MAGI2: variants seen among roughly 807,000 people sequenced by gnomAD.
The protein encoded by MAGI2 is membrane-associated guanylate kinase, WW and PDZ domain-containing protein 2.
In MAGI2, 35 loss-of-function variants were observed where a neutral mutation model predicts 133.3. That is an observed-to-expected ratio of 0.26 (90% CI 0.20 to 0.35). The LOEUF is 0.35. Among genes scored for constraint, MAGI2 ranks in the 10% least tolerant of loss-of-function variants. The pLI is 1.00. For missense variants in MAGI2, 1,636 were observed against 1,863.4 expected (o/e 0.88, Z 2.25); for synonymous variants, 729 against 710.6 (o/e 1.03, Z -0.41).
chr7:78,542,440 T>A (rs187026419), intron 3 of MAGI2, among the ~76,000 whole-genome samples: 1 of 152,144 alleles, frequency 6.6e-6, no homozygotes, highest in Admixed American at 6.5e-5. Flanking sequence ...AGAAAAGACA[T>A]CAAAATTAAT....
intron 6 of MAGI2, among the ~76,000 whole-genome samples, chr7:78,422,970 A>C (rs73370213): frequency 0.013 from 1,999 of 152,328 alleles, 52 homozygotes; most frequent in African/African-American, 0.038. Context: ...AAATAGGTTC[A>C]ACAAAGATAT....
intron 1 of MAGI2, among the ~76,000 whole-genome samples, chr7:79,138,776 C>T (rs566429279): frequency 5.3e-5 from 8 of 152,116 alleles, no homozygotes; most frequent in South Asian, 2.1e-4. Flanking sequence ...GAGGCCAAGG[C>T]GGGCGGATCA....
At chr7:78,608,089 C>T (rs1806019111) in intron 3 of MAGI2, among the ~76,000 whole-genome samples, 1 of 152,036 alleles carries the variant, frequency 6.6e-6, no homozygotes, top group Non-Finnish European at 1.5e-5. Context: ...CCGCTCAAGC[C>T]CAAGCATGGC....
At chr7:78,306,863 A>C (rs2151085915) in intron 9 of MAGI2, among the ~76,000 whole-genome samples, 1 of 152,326 alleles carries the variant, frequency 6.6e-6, no homozygotes, top group African/African-American at 2.4e-5. Context: ...CAAGTAACTT[A>C]CAAATGAGAA....
At chr7:79,373,981 T>G (rs1450530872) in intron 1 of MAGI2, among the ~76,000 whole-genome samples, 3 of 151,992 alleles carry the variant, frequency 2.0e-5, no homozygotes. Context: ...TGCACCAGTG[T>G]AAAAGAATAA....
At chr7:79,158,235 A>C (rs899675028) in intron 1 of MAGI2, among the ~76,000 whole-genome samples, 3 of 152,004 alleles carry the variant, frequency 2.0e-5, no homozygotes, top group Non-Finnish European at 4.4e-5. Flanking sequence ...CATAACATGT[A>C]CTTCTATCAG....
At chr7:79,302,688 C>T (rs1259948875) in intron 1 of MAGI2, among the ~76,000 whole-genome samples, 1 of 152,126 alleles carries the variant, frequency 6.6e-6, no homozygotes, top group Non-Finnish European at 1.5e-5. Context: ...TCAACAAAAT[C>T]AGTTAGAGAT....
intron 3 of MAGI2, chr7:78,615,794 C>T (rs933058546): frequency 2.0e-5 from 3 of 152,128 alleles, no homozygotes; most frequent in Non-Finnish European, 2.9e-5. Context: ...TGACACCACA[C>T]ATTGTGTTAA....
chr7:78,826,634 C>A (rs919277297), intron 2 of MAGI2, among the ~76,000 whole-genome samples: 1 of 152,022 alleles, frequency 6.6e-6, no homozygotes, highest in African/African-American at 2.4e-5. Flanking sequence ...CAGCACATAG[C>A]ATGAATCTTA....
rs201994727 is a variant in MAGI2, at chr7:79,322,849, A to C, written c.301+130171T>G. Among the ~76,000 whole-genome samples the C allele has an allele frequency of 9.2e-5, 14 of 152,132 alleles. No homozygotes were observed. In the East Asian group the frequency reaches 2.7e-3, roughly 29 times the overall value. ...GGATGAAATGACTTTATATTTGTTA[A>C]ACACTTAAAATTGTGCATTAAGTGT... On this transcript the variant is annotated intron_variant, in intron 1 of 21. Coordinates refer to ENST00000354212, the MANE Select transcript of MAGI2 (RefSeq NM_012301.4).
intron 1 of MAGI2, among the ~76,000 whole-genome samples, chr7:79,167,424 G>T (rs1585097821): frequency 7.1e-6 from 1 of 140,862 alleles, no homozygotes; most frequent in African/African-American, 2.7e-5. Flanking sequence ...AAAAACTCCA[G>T]GCAAAACATC....
At chr7:79,055,758 G>T (rs1415816196) in intron 1 of MAGI2, among the ~76,000 whole-genome samples, 1 of 152,094 alleles carries the variant, frequency 6.6e-6, no homozygotes, top group Non-Finnish European at 1.5e-5. Flanking sequence ...TTATTTTTCT[G>T]AGTTTTTGTT....
At chr7:78,318,505 C>CA (rs766571042) in intron 9 of MAGI2, among the ~76,000 whole-genome samples, 15 of 152,106 alleles carry the variant, frequency 9.9e-5, no homozygotes, top group Non-Finnish European at 8.8e-5. Flanking sequence ...TGGTGTAACT[C>CA]AAAGTGATGG....
chr7:78,623,644 C>A (rs1807988941), intron 3 of MAGI2, among the ~76,000 whole-genome samples: 1 of 152,064 alleles, frequency 6.6e-6, no homozygotes. Flanking sequence ...TTAAACATCT[C>A]AGCCGCAATT....
intron 1 of MAGI2, among the ~76,000 whole-genome samples, chr7:79,126,792 A>G (rs1162119348): frequency 6.6e-6 from 1 of 151,670 alleles, no homozygotes; most frequent in Non-Finnish European, 1.5e-5. Context: ...TTTTGTACAT[A>G]TTAAATAATT....
At chr7:79,361,954 T>C (rs1842404385) in intron 1 of MAGI2, among the ~76,000 whole-genome samples, 1 of 152,046 alleles carries the variant, frequency 6.6e-6, no homozygotes, top group Non-Finnish European at 1.5e-5. Flanking sequence ...TAGCATCAAA[T>C]AGTTACAGTT....
intron 6 of MAGI2, among the ~76,000 whole-genome samples, chr7:78,448,271 G>A (rs902196380): frequency 5.3e-5 from 8 of 151,914 alleles, no homozygotes; most frequent in African/African-American, 1.2e-4. Flanking sequence ...AGCTGATTTC[G>A]TTTCCTTTGA....
rs58788674 is a variant in MAGI2 at position 78,057,977 on chromosome 7, GTATATA to G, written c.3706+20964_3706+20969del. On this transcript the variant is annotated intron_variant, in intron 21 of 21. Coordinates refer to ENST00000354212, the MANE Select transcript of MAGI2 (RefSeq NM_012301.4). The stretch of plus-strand genomic sequence containing the variant: ...CCCCTCTGGCATTTTATATATATGT[GTATATA>G]TATATATATATATATATATATGTAT... 1.6e-4 allele frequency among the ~76,000 whole-genome samples: 17 copies of G among 106,608 alleles called. 2 individuals carry two copies. The highest frequency in any genetic ancestry group is 1.4e-3 in the Admixed American group (15 of 11,076). The allele number at this position is 106,608 out of a possible 152,430, so 69.9% of individuals were successfully genotyped here.
At chr7:79,257,140 A>G (rs1441896677) in intron 1 of MAGI2, among the ~76,000 whole-genome samples, 1 of 152,132 alleles carries the variant, frequency 6.6e-6, no homozygotes, top group African/African-American at 2.4e-5. Flanking sequence ...CATGATAAAT[A>G]CATACAGTTT....
Sources: allele counts gnomAD v4.1 joint callset (sites outside exome capture counted in the v4.1 genomes callset), GRCh38; gene constraint gnomAD v4.1.1; transcripts MANE v1.5; gene names NCBI Gene and HGNC (gene_info 2026-07-23, HGNC 2026-07-21).